The following ZSCAN18 variants were observed in gnomAD, a reference collection of about 807,000 sequenced individuals.
ZSCAN18 encodes zinc finger and SCAN domain containing 18.
In ZSCAN18, 16 loss-of-function variants were observed where a neutral mutation model predicts 31.1. That is an observed-to-expected ratio of 0.51 (90% CI 0.35 to 0.78). The LOEUF (loss-of-function observed/expected upper bound fraction) is 0.78. ZSCAN18 is among the 30% of genes least tolerant of loss of function. The pLI is 0.01. For missense variants in ZSCAN18, 731 were observed against 697.4 expected, an observed-to-expected ratio of 1.05 and a Z score of -0.54; for synonymous variants, 375 against 320.7, an observed-to-expected ratio of 1.17 and a Z score of -1.81.
At chr19:58,097,499 C>T (rs971889706) in intron 1 of ZSCAN18, among the ~76,000 whole-genome samples, 3 of 151,842 alleles carry the variant, frequency 2.0e-5, no homozygotes, top group African/African-American at 7.3e-5. Context: ...AGAACCCACC[C>T]CCAGGTGACT....
intron 1 of ZSCAN18, among the ~76,000 whole-genome samples, chr19:58,115,092 G>A (rs538888232): frequency 1.3e-5 from 2 of 152,344 alleles, no homozygotes; most frequent in East Asian, 3.9e-4. Context: ...AGAAGTGTCA[G>A]CCACTAAGAA....
rs1249829355 is a variant in ZSCAN18, at chr19:58,084,425, G to A, written c.*260C>T. ...CATGGGGCGGCACTAAATGGCTGCA[G>A]GAAAGCCGAGTCTTCTTCCACATCC... On this transcript the variant is annotated 3_prime_UTR_variant, in exon 7 of 7. Transcript: ENST00000601144. The surrounding 1 kb of genome is among the most constrained non-coding windows in gnomAD (Gnocchi z 4.5). 2 of 431,322 alleles carry A rather than the reference G, an allele frequency of 4.6e-6. No homozygotes were observed. Among genetic ancestry groups the A allele is most frequent in the East Asian group, 3.7e-5 (1 of 26,860 alleles). 26.7% of individuals were successfully genotyped at this position (431,322 alleles called of 1,614,324 possible). A position where few individuals can be genotyped will look rare whatever the true frequency, so the allele number is the denominator to read the frequency against.
In ZSCAN18 at chr19:58,090,392, G is replaced by A; in HGVS notation, c.-119-6C>T. The A allele has an allele frequency of 6.5e-7, 1 of 1,542,050 alleles. No homozygotes were observed. Among genetic ancestry groups the A allele is most frequent in the Non-Finnish European group, 8.8e-7 (1 of 1,140,840 alleles). On this transcript the variant is annotated splice_region_variant and splice_polypyrimidine_tract_variant and intron_variant, in intron 1 of 6. Transcript: ENST00000601144. The surrounding 1 kb of genome is among the most constrained non-coding windows in gnomAD (Gnocchi z 4.7). Reference sequence around the variant, plus strand: ...TGGTGCCAGAACCCACAGACCTGCAGAGGACACGGACAAGGCAATGGCCTT... The same window carrying A: ...TGGTGCCAGAACCCACAGACCTGCAAAGGACACGGACAAGGCAATGGCCTT...
chr19:58,118,216 G>T, intron 1 of ZSCAN18: 3 of 913,330 alleles, frequency 3.3e-6, no homozygotes, highest in South Asian at 2.0e-5. Context: ...CAGAAAGAGC[G>T]ACCACGCAGC....
In ZSCAN18 at chr19:58,084,941, G is replaced by A. The variant is rs779769678; in HGVS notation, c.1277C>T (p.Ser426Leu). 3 of 1,597,658 alleles carry A rather than the reference G, an allele frequency of 1.9e-6. No individual in the cohort carries two copies. Among genetic ancestry groups the A allele is most frequent in the East Asian group, 2.3e-5 (1 of 44,248 alleles). ...GCTGCTGTGGTGCTCCATCAGGTGC[G>A]AGAGCCACGCGAAGGCCTCCCCGCA... is the stretch of plus-strand genomic sequence containing the variant. Reference protein sequence around the residue: ...GECGEAFAWLSHLMEHHSSHG... With the variant: ...GECGEAFAWLLHLMEHHSSHG... The change falls in exon 7 of 7, where the codon TCG becomes TTG. Residue 426 changes from serine to leucine, a missense_variant. Ser to Leu is a moderately radical substitution (Grantham distance 145). This residue lies in a region of ZSCAN18 where 597 missense variants were observed against 499.5 expected (regional missense o/e 1.20). Coordinates refer to ENST00000601144, the MANE Select transcript of ZSCAN18 (RefSeq NM_001145543.2). This position sits in a 1 kb window ranked among gnomAD's most constrained non-coding sequence, Gnocchi z 4.5.
At chr19:58,118,206 CAGAA>C (rs1304003744) in intron 1 of ZSCAN18, 2 of 828,990 alleles carry the variant, frequency 2.4e-6, no homozygotes, top group African/African-American at 1.8e-5. Context: ...CCCTCACAGA[CAGAA>C]AGAGCGACCA....
intron 1 of ZSCAN18, among the ~76,000 whole-genome samples, chr19:58,091,782 C>T (rs1255059501): frequency 6.6e-6 from 1 of 152,186 alleles, no homozygotes; most frequent in African/African-American, 2.4e-5. Flanking sequence ...GCTATGGACA[C>T]ACAAGGGTGT....
upstream of ZSCAN18, among the ~76,000 whole-genome samples, chr19:58,100,678 C>G (rs188529530): frequency 9.6e-3 from 722 of 74,832 alleles, 7 homozygotes; most frequent in African/African-American, 0.022. Context: ...AGGAGGCCAG[C>G]GGGCGGATCA....
At chr19:58,089,319 A>C (rs950434170) in intron 2 of ZSCAN18, among the ~76,000 whole-genome samples, 31 of 124,660 alleles carry the variant, frequency 2.5e-4, no homozygotes, top group East Asian at 6.7e-4. Context: ...AAAAAAAAAA[A>C]AAAAAAAAAA....
intron 1 of ZSCAN18, chr19:58,107,891 G>T: frequency 9.3e-7 from 1 of 1,069,742 alleles, no homozygotes. Context: ...GACAGGAGCT[G>T]TCCCTGAAGG....
At chr19:58,097,541 C>T (rs1171271632) in intron 1 of ZSCAN18, among the ~76,000 whole-genome samples, 5 of 151,750 alleles carry the variant, frequency 3.3e-5, no homozygotes, top group Admixed American at 6.6e-5. Context: ...AGGGTGGGGG[C>T]AGCAGAGACA....
chr19:58,089,880 C>T lies in ZSCAN18; in HGVS notation c.388G>A (p.Val130Ile), dbSNP rs762993356. Residue 130 changes from valine (V) to isoleucine (I), a missense_variant, in exon 2 of 7, where the codon GTC (valine) becomes ATC (isoleucine). Physicochemically the swap from Val to Ile is conservative, Grantham distance 29. Around this residue, in one of 4 missense-constraint regions of ZSCAN18, gnomAD observed 46 missense variants for 60.6 expected, o/e 0.76. Coordinates refer to ENST00000601144, the MANE Select transcript of ZSCAN18 (RefSeq NM_001145543.2). ...AASLVEGLAD[V>I]LEEPGMLLGS... is the part of the protein sequence containing the mutation. ...GACAGCCCACCTGGCTCTTCCAGGA[C>T]ATCAGCGAGGCCCTCCACCAGGGAG... 11 of 1,610,492 alleles carry T rather than the reference C, an allele frequency of 6.8e-6. No homozygotes were observed. The highest frequency in any genetic ancestry group is 1.6e-4 in the Middle Eastern group (1 of 6,068).
chr19:58,098,394 C>T, upstream of ZSCAN18: 2 of 985,374 alleles, frequency 2.0e-6, no homozygotes, highest in Non-Finnish European at 2.4e-6. Flanking sequence ...CCGCCCACTC[C>T]GGCGCCTGCG....
intron 6 of ZSCAN18, chr19:58,085,628 A>T: frequency 1.9e-6 from 1 of 512,972 alleles, no homozygotes; most frequent in South Asian, 2.9e-5. Context: ...CAGGAAGGAC[A>T]GCCCCACTGA....
intron 1 of ZSCAN18, among the ~76,000 whole-genome samples, chr19:58,094,852 T>C (rs546031140): frequency 2.6e-5 from 3 of 115,834 alleles, no homozygotes; most frequent in East Asian, 5.7e-4. Context: ...CATTGCAGCC[T>C]GGGTAACAGA....
chr19:58,085,396 G>A lies in ZSCAN18; in HGVS notation c.839-17C>T. The A allele has an allele frequency of 6.4e-7, 1 of 1,564,976 alleles. No individual in the cohort carries two copies. The highest frequency in any genetic ancestry group is 8.6e-7 in the Non-Finnish European group (1 of 1,164,604). On this transcript the variant is annotated splice_polypyrimidine_tract_variant and intron_variant, in intron 6 of 6. Coordinates refer to ENST00000601144, the MANE Select transcript of ZSCAN18 (RefSeq NM_001145543.2). ...TCCCGCCTTCTGGAACAAGGTCAGA[G>A]CCCTAGCGTGAGCGCCCCGCCCAGG...
At position 58,084,009 on chromosome 19, in the gene ZSCAN18, A is replaced by G. The variant is rs1273678070; in HGVS notation, c.*676T>C. ...TCACAAAACAGTATTTGCCTTTACTACATGATGCATTCTGGCCTACTTTAT... is the reference window on the plus strand; with the variant it reads ...TCACAAAACAGTATTTGCCTTTACTGCATGATGCATTCTGGCCTACTTTAT... On this transcript the variant is annotated 3_prime_UTR_variant, in exon 7 of 7. Coordinates refer to ENST00000601144, the MANE Select transcript of ZSCAN18 (RefSeq NM_001145543.2). This position sits in a 1 kb window ranked among gnomAD's most constrained non-coding sequence, Gnocchi z 4.5. 6.6e-6 allele frequency: 1 copy of G among 152,232 alleles called. No individual in the cohort carries two copies. The highest frequency in any genetic ancestry group is 6.5e-5 in the Admixed American group (1 of 15,290). The allele number at this position is 152,232 out of a possible 1,614,324, so 9.4% of individuals were successfully genotyped here.
chr19:58,115,523 C>T (rs1477435155), intron 1 of ZSCAN18, among the ~76,000 whole-genome samples: 1 of 152,150 alleles, frequency 6.6e-6, no homozygotes, highest in Non-Finnish European at 1.5e-5. Context: ...GTGGAGTCAA[C>T]GTGTGTATAT....
intron 1 of ZSCAN18, chr19:58,092,761 G>A (rs2074439998): frequency 4.2e-6 from 4 of 954,262 alleles, no homozygotes; most frequent in African/African-American, 3.6e-5. Flanking sequence ...CCACCACCAC[G>A]ATACCTCTAC....
Sources: gnomAD v4.1 joint callset for allele counts (sites outside exome capture counted in the v4.1 genomes callset) on GRCh38, gnomAD v4.1.1 for gene constraint, gnomAD v4.1.1 regional missense constraint, Gnocchi (gnomAD v3.1) non-coding constraint, MANE v1.5 for transcripts, NCBI Gene and HGNC (gene_info 2026-07-23, HGNC 2026-07-21) for gene names.